IGSF9B: variants seen among roughly 807,000 people sequenced by gnomAD.
The protein encoded by IGSF9B is immunoglobulin superfamily member 9B, also known as protein turtle homolog B.
A neutral mutation model predicts 143.7 loss-of-function variants in IGSF9B; 48 were observed. The observed-to-expected ratio is 0.33, with a 90% CI of 0.26 to 0.42. IGSF9B has a LOEUF of 0.42. Among genes scored for constraint, IGSF9B ranks in the 20% least tolerant of loss-of-function variants. IGSF9B has a pLI of 1.00. For missense variants in IGSF9B, 1,706 were observed against 1,980.0 expected (o/e 0.86, Z 2.63); for synonymous variants, 903 against 833.1 (o/e 1.08, Z -1.44).
At chr11:133,922,483 G>T in intron 16 of IGSF9B, 86 bp downstream of exon 16, 1 of 1,314,708 alleles carries the variant, frequency 7.6e-7, no homozygotes, top group Non-Finnish European at 1.1e-6. Context: ...TTCCAAGGGG[G>T]GCCATGCTAA....
Position 133,920,224 on chromosome 11 carries a change from G to A in IGSF9B, c.3501C>T (p.Asp1167=), listed in dbSNP as rs768268085. 2.6e-6 allele frequency: 4 copies of A among 1,515,976 alleles called. No homozygotes were observed. The highest frequency in any genetic ancestry group is 3.5e-6 in the Non-Finnish European group (4 of 1,132,444). 93.9% of individuals were successfully genotyped at this position (1,515,976 alleles called of 1,614,324 possible). Residue 1167 remains aspartate, a synonymous_variant, in exon 18 of 20, where the codon GAC becomes GAT. Coordinates refer to ENST00000533871, the MANE Select transcript of IGSF9B (RefSeq NM_001277285.4). The part of the protein sequence containing the change: ...AHGGPSTFGL[D]TRWYEPQPRP... ...GGGGCTGGGGCTCATACCACCGGGT[G>A]TCCAGGCCAAATGTGCTGGGGCCGC... is the stretch of plus-strand genomic sequence containing the variant.
chr11:133,930,364 A>T (rs1298563996), intron 11 of IGSF9B, among the ~76,000 whole-genome samples: 1 of 152,168 alleles, frequency 6.6e-6, no homozygotes, highest in Admixed American at 6.5e-5. Flanking sequence ...CCGAGTTGTG[A>T]AGGACGAGCT....
In IGSF9B at chr11:133,907,577, G is replaced by C. The variant is rs1012689816; in HGVS notation, c.*1492C>G. On this transcript the variant is annotated 3_prime_UTR_variant, in exon 20 of 20. Transcript: ENST00000533871. ...CTCCACCCCGCCCTCGGGGCCTTCTGCCCTGCCCTTGGGCAGCACCATATC... is the reference window on the plus strand; with the variant it reads ...CTCCACCCCGCCCTCGGGGCCTTCTCCCCTGCCCTTGGGCAGCACCATATC... 6.6e-6 allele frequency among the ~76,000 whole-genome samples: 1 copy of C among 152,248 alleles called. No individual in the cohort carries two copies. The highest frequency in any genetic ancestry group is 2.4e-5 in the African/African-American group (1 of 41,474).
At chr11:133,930,281 C>T (rs1939698612) in intron 11 of IGSF9B, among the ~76,000 whole-genome samples, 1 of 152,136 alleles carries the variant, frequency 6.6e-6, no homozygotes, top group African/African-American at 2.4e-5. Context: ...GATGTGACGC[C>T]GGAGAAAGCA....
Position 133,927,018 on chromosome 11 carries a change from C to G in IGSF9B, c.1705G>C (p.Val569Leu), listed in dbSNP as rs1277349289. The G allele has an allele frequency of 1.3e-6, 2 of 1,572,564 alleles. No individual in the cohort carries two copies. The highest frequency in any genetic ancestry group is 2.3e-5 in the South Asian group (2 of 85,350). ...GCTGTCTCAGGCTCCAGGGTGTCCA[C>G]CAGCAGCCAGCTGGGTCCTGGCGGC... Reference protein sequence around the residue: ...PVPPGPSWLLVDTLEPETAYQ... With the variant: ...PVPPGPSWLLLDTLEPETAYQ... Residue 569 changes from valine to leucine, a missense_variant, in exon 13 of 20, where the codon GTG becomes CTG. By Grantham distance (32) the Val-to-Leu change is conservative. Coordinates refer to ENST00000533871, the MANE Select transcript of IGSF9B (RefSeq NM_001277285.4).
chr11:133,917,920 C>T (rs1160824683), intron 18 of IGSF9B, among the ~76,000 whole-genome samples: 1 of 152,046 alleles, frequency 6.6e-6, no homozygotes, highest in Non-Finnish European at 1.5e-5. Context: ...GTTCTGGGCC[C>T]CTTCGGGGTG....
chr11:133,931,925 C>T lies in IGSF9B; in HGVS notation c.1111-130G>A, dbSNP rs551767134. 5 of 1,494,180 alleles carry T rather than the reference C, an allele frequency of 3.3e-6. No homozygotes were observed. The highest frequency in any genetic ancestry group is 2.4e-5 in the East Asian group (1 of 41,932). The allele number at this position is 1,494,180 out of a possible 1,614,324, so 92.6% of individuals were successfully genotyped here. A position where few individuals can be genotyped will look rare whatever the true frequency, so the allele number is the denominator to read the frequency against. On this transcript the variant is annotated intron_variant, in intron 8 of 19. Transcript: ENST00000533871. This position sits in a 1 kb window ranked among gnomAD's most constrained non-coding sequence, Gnocchi z 7.7. ...GCTCCAGCCCGGGGCGGGCGGCACC[C>T]GCAGACCCCTACAGAAGCAGCTCTC...
intron 17 of IGSF9B, 52 bp from the exon 18 acceptor site, chr11:133,921,449 C>T (rs1028350794): frequency 2.9e-6 from 4 of 1,368,842 alleles, no homozygotes; most frequent in Admixed American, 5.7e-5. Context: ...AGTGTGCTGG[C>T]CAGGACTTCC....
intron 1 of IGSF9B, among the ~76,000 whole-genome samples, chr11:133,949,818 G>A (rs190056352): frequency 2.0e-5 from 3 of 152,278 alleles, no homozygotes; most frequent in African/African-American, 7.2e-5. Flanking sequence ...GCTCAGAGGG[G>A]CCAGGCTCCC....
At chr11:133,944,858 T>C (rs951523363) in intron 2 of IGSF9B, among the ~76,000 whole-genome samples, 1 of 152,118 alleles carries the variant, frequency 6.6e-6, no homozygotes, top group Non-Finnish European at 1.5e-5. Context: ...AGCTTCCCTC[T>C]CTAGGGCAGA....
intron 16 of IGSF9B, 120 bp from the exon 17 acceptor site, chr11:133,922,342 G>T: frequency 1.9e-6 from 2 of 1,034,374 alleles, no homozygotes; most frequent in Non-Finnish European, 2.9e-6. Context: ...TGCTCACAGT[G>T]GGCATCTTTG....
Position 133,909,466 on chromosome 11 carries a change from C to G in IGSF9B, c.4106-189G>C, listed in dbSNP as rs994381141. 6.6e-6 allele frequency among the ~76,000 whole-genome samples: 1 copy of G among 152,208 alleles called. No homozygotes were observed. The highest frequency in any genetic ancestry group is 1.5e-5 in the Non-Finnish European group (1 of 68,052). ...CCTTCTTTTCCGCCAAGACAACCAGCAACCTGACCCTGCTCCTTTCACTTG... is the reference window on the plus strand; with the variant it reads ...CCTTCTTTTCCGCCAAGACAACCAGGAACCTGACCCTGCTCCTTTCACTTG... On this transcript the variant is annotated intron_variant, in intron 19 of 19. Coordinates refer to ENST00000533871, the MANE Select transcript of IGSF9B (RefSeq NM_001277285.4). This position sits in a 1 kb window ranked among gnomAD's most constrained non-coding sequence, Gnocchi z 4.2.
intron 1 of IGSF9B, among the ~76,000 whole-genome samples, chr11:133,947,130 C>T (rs1415134573): frequency 1.3e-5 from 2 of 151,886 alleles, no homozygotes; most frequent in East Asian, 3.9e-4. Context: ...AGGCAGCAGG[C>T]GGGAGGACCA....
Position 133,905,624 on chromosome 11 carries a change from GCA to G in IGSF9B, c.*3443_*3444del, listed in dbSNP as rs1181608621. On this transcript the variant is annotated 3_prime_UTR_variant, in exon 20 of 20. Transcript: ENST00000533871. The surrounding 1 kb of genome is among the most constrained non-coding windows in gnomAD (Gnocchi z 4.0). Reference sequence around the variant, plus strand: ...CCCAAGCGCATGGTTGTGGGACTAAGCACCTCAAAGGAGGGCACAGACCCCGC... The same window carrying G: ...CCCAAGCGCATGGTTGTGGGACTAAGCCTCAAAGGAGGGCACAGACCCCGC... Among the ~76,000 whole-genome samples the G allele has an allele frequency of 6.6e-6, 1 of 152,226 alleles. No homozygotes were observed. The highest frequency in any genetic ancestry group is 1.5e-5 in the Non-Finnish European group (1 of 68,048).
At chr11:133,933,351 C>T (rs544330493) in intron 7 of IGSF9B, among the ~76,000 whole-genome samples, 71 of 152,356 alleles carry the variant, frequency 4.7e-4, no homozygotes, top group East Asian at 1.4e-3. Context: ...AAAAGAAGAA[C>T]ACTATCATAG....
chr11:133,935,701 G>C lies in IGSF9B; in HGVS notation c.883C>G (p.Pro295Ala). 6.2e-7 allele frequency: 1 copy of C among 1,610,920 alleles called. No homozygotes were observed. The highest frequency in any genetic ancestry group is 8.5e-7 in the Non-Finnish European group (1 of 1,178,800). The change falls in exon 7 of 20, where the codon CCG becomes GCG. Residue 295 changes from proline to alanine, a missense_variant. By Grantham distance (27) the Pro-to-Ala change is conservative. Transcript: ENST00000533871. ...CAGGTGTACTTCCCCGAGTCCTCCG[G>C]CTTCACCCGGAAGATGATCAGGGTC... ...DGTLIIFRVK[P>A]EDSGKYTCVP... is the part of the protein sequence containing the mutation.
rs1940030972 is a variant in IGSF9B at position 133,945,505 on chromosome 11, G to A, written c.262+556C>T. Among the ~76,000 whole-genome samples, 2 of 152,186 alleles carry A rather than the reference G, an allele frequency of 1.3e-5. No individual in the cohort carries two copies. The highest frequency in any genetic ancestry group is 4.8e-5 in the African/African-American group (2 of 41,448). ...ACACCCACGCCCTCCTCTCCCGCGG[G>A]CTGGGGGGCAGGCAGCGGCAGTGAG... On this transcript the variant is annotated intron_variant, in intron 2 of 19. Coordinates refer to ENST00000533871, the MANE Select transcript of IGSF9B (RefSeq NM_001277285.4). This position sits in a 1 kb window ranked among gnomAD's most constrained non-coding sequence, Gnocchi z 4.6.
At chr11:133,940,062 A>G (rs535950159) in intron 3 of IGSF9B, among the ~76,000 whole-genome samples, 74 of 123,840 alleles carry the variant, frequency 6.0e-4, no homozygotes, top group African/African-American at 1.8e-3. Context: ...ACGTGTCATC[A>G]TATACAGAAA....
rs535536084 is a variant in IGSF9B at position 133,926,881 on chromosome 11, AC to A, written c.1807+34del. On this transcript the variant is annotated intron_variant, in intron 13 of 19. Coordinates refer to ENST00000533871, the MANE Select transcript of IGSF9B (RefSeq NM_001277285.4). ...GGCCACCGCCCCCACCACCTCTACAACCCCCGCTCCCAACATCCCACCCCGG... is the reference window on the plus strand; with the variant it reads ...GGCCACCGCCCCCACCACCTCTACAACCCCGCTCCCAACATCCCACCCCGG... 667 of 1,531,798 alleles carry A rather than the reference AC, an allele frequency of 4.4e-4. 3 individuals are homozygous for A. The African/African-American group carries it at 8.5e-3, about 20-fold the overall frequency. 94.9% of individuals were successfully genotyped at this position (1,531,798 alleles called of 1,614,324 possible).
Sources: allele counts gnomAD v4.1 joint callset (sites outside exome capture counted in the v4.1 genomes callset), GRCh38; gene constraint gnomAD v4.1.1; non-coding constraint Gnocchi (gnomAD v3.1); transcripts MANE v1.5; gene names NCBI Gene and HGNC (gene_info 2026-07-23, HGNC 2026-07-21).